Variants in GPA33 observed in about 807,000 individuals in gnomAD.
GPA33 encodes glycoprotein A33.
A neutral mutation model predicts 35.6 loss-of-function variants in GPA33; 27 were observed. The observed-to-expected ratio is 0.76, with a 90% confidence interval of 0.56 to 1.04. The LOEUF is 1.04. GPA33 is among the 50% of genes least tolerant of loss of function. GPA33 has a pLI of 0.00. For synonymous variants in GPA33, 176 were observed against 164.0 expected (o/e 1.07, Z -0.56); for missense variants, 428 against 411.9 (o/e 1.04, Z -0.34).
intron 3 of GPA33, among the ~76,000 whole-genome samples, chr1:167,064,832 A>C (rs570857245): frequency 3.1e-4 from 47 of 152,246 alleles, no homozygotes; most frequent in African/African-American, 1.1e-3. Context: ...AGTTGCCATA[A>C]GCACGGGATG....
At chr1:167,080,067 A>G (rs2102199420) in intron 1 of GPA33, among the ~76,000 whole-genome samples, 1 of 152,184 alleles carries the variant, frequency 6.6e-6, no homozygotes, top group East Asian at 1.9e-4. Context: ...TTGGCATTGA[A>G]TATCAGGTCT....
Position 167,054,172 on chromosome 1 carries a change from C to A in GPA33, c.*162G>T. 1 of 907,534 alleles carries A rather than the reference C, an allele frequency of 1.1e-6. No homozygotes were observed. Among genetic ancestry groups the A allele is most frequent in the South Asian group, 1.6e-5 (1 of 60,934 alleles). 56.2% of individuals were successfully genotyped at this position (907,534 alleles called of 1,614,324 possible). A position where few individuals can be genotyped will look rare whatever the true frequency, so the allele number is the denominator to read the frequency against. On this transcript the variant is annotated 3_prime_UTR_variant, in exon 7 of 7. Transcript: ENST00000367868. ...AGGATCAGCACAGGGACCCCCTTAC[C>A]AGGCCAGCCATGTTCCCCACAGCTG...
intron 1 of GPA33, among the ~76,000 whole-genome samples, chr1:167,083,164 G>A (rs906050918): frequency 6.6e-6 from 1 of 152,208 alleles, no homozygotes; most frequent in Non-Finnish European, 1.5e-5. Flanking sequence ...TGCAGGTGAT[G>A]TCTGAGAGGC....
chr1:167,066,449 C>T, intron 3 of GPA33, among the ~76,000 whole-genome samples: 1 of 152,192 alleles, frequency 6.6e-6, no homozygotes, highest in East Asian at 1.9e-4. Context: ...AAGAGATCAG[C>T]CTTAGGGCGG....
chr1:167,054,231 G>A lies in GPA33; in HGVS notation c.*103C>T, dbSNP rs1001003975. 9 of 1,410,894 alleles carry A rather than the reference G, an allele frequency of 6.4e-6. No individual in the cohort carries two copies. The highest frequency in any genetic ancestry group is 8.8e-6 in the Non-Finnish European group (9 of 1,022,164). 87.4% of individuals were successfully genotyped at this position (1,410,894 alleles called of 1,614,324 possible). On this transcript the variant is annotated 3_prime_UTR_variant, in exon 7 of 7. Transcript: ENST00000367868. ...GAAGAAATGTCCCCATCAATGTCTG[G>A]GATGGAGGGACAGGAGAACAGGGCT...
chr1:167,055,651 G>C, intron 5 of GPA33, 79 bp downstream of exon 5: 1 of 1,508,228 alleles, frequency 6.6e-7, no homozygotes, highest in Non-Finnish European at 9.2e-7. Flanking sequence ...CCTCCTCACG[G>C]TGGTCTCAGC....
intron 4 of GPA33, among the ~76,000 whole-genome samples, chr1:167,060,855 C>T (rs1666423584): frequency 6.6e-6 from 1 of 152,184 alleles, no homozygotes; most frequent in Non-Finnish European, 1.5e-5. Flanking sequence ...ACCATTCCTA[C>T]ACCTACACAC....
chr1:167,071,912 A>G (rs1264645633), intron 2 of GPA33, among the ~76,000 whole-genome samples: 1 of 152,198 alleles, frequency 6.6e-6, no homozygotes, highest in Non-Finnish European at 1.5e-5. Context: ...TCAATAAAAT[A>G]ACTTTAGTAT....
intron 5 of GPA33, among the ~76,000 whole-genome samples, chr1:167,055,421 C>T (rs1666219704): frequency 6.6e-6 from 1 of 151,986 alleles, no homozygotes. Context: ...CCAGACTCTG[C>T]GGCAGCTGCC....
intron 1 of GPA33, 35 bp downstream of exon 1, chr1:167,090,209 AC>A (rs768649846): frequency 1.1e-5 from 17 of 1,544,662 alleles, no homozygotes; most frequent in Non-Finnish European, 1.4e-5. Context: ...TGTCTCACCC[AC>A]CCCTGGGCAC....
intron 5 of GPA33, 35 bp from the exon 6 acceptor site, chr1:167,055,146 T>G: frequency 1.9e-6 from 3 of 1,607,240 alleles, no homozygotes; most frequent in Non-Finnish European, 2.5e-6. Flanking sequence ...CTTGCCGAGC[T>G]TCTAAGCTAG....
At chr1:167,056,946 C>T (rs796277114) in intron 4 of GPA33, among the ~76,000 whole-genome samples, 29 of 37,970 alleles carry the variant, frequency 7.6e-4, no homozygotes, top group South Asian at 3.4e-3. Flanking sequence ...GTGTGTGTGG[C>T]GTGTGTAGTA....
At chr1:167,081,070 TA>T (rs1666935197) in intron 1 of GPA33, among the ~76,000 whole-genome samples, 1 of 152,136 alleles carries the variant, frequency 6.6e-6, no homozygotes, top group African/African-American at 2.4e-5. Context: ...AGGGGGTCCA[TA>T]TGGAGAGCCA....
intron 1 of GPA33, among the ~76,000 whole-genome samples, chr1:167,081,337 C>A (rs1479777316): frequency 6.6e-6 from 1 of 152,148 alleles, no homozygotes; most frequent in East Asian, 1.9e-4. Flanking sequence ...AAGGACCCAG[C>A]CAGCCCCAGG....
At chr1:167,089,989 G>C (rs546757395) in intron 1 of GPA33, among the ~76,000 whole-genome samples, 2 of 152,164 alleles carry the variant, frequency 1.3e-5, no homozygotes, top group African/African-American at 4.8e-5. Context: ...TCTAATTTGG[G>C]ATAAGAAAAT....
At chr1:167,054,544 AC>A in intron 6 of GPA33, 78 bp from the exon 7 acceptor site, 2 of 1,580,758 alleles carry the variant, frequency 1.3e-6, no homozygotes, top group Non-Finnish European at 1.7e-6. Context: ...CATGTGCATT[AC>A]AGGAAGAGCA....
intron 4 of GPA33, among the ~76,000 whole-genome samples, chr1:167,060,820 G>A (rs1666423027): frequency 6.6e-6 from 1 of 152,108 alleles, no homozygotes; most frequent in Admixed American, 6.5e-5. Flanking sequence ...TCTCATCACT[G>A]TGTTTCTTAA....
At chr1:167,059,133 T>C (rs910780865) in intron 4 of GPA33, among the ~76,000 whole-genome samples, 4 of 152,176 alleles carry the variant, frequency 2.6e-5, no homozygotes, top group African/African-American at 9.7e-5. Flanking sequence ...CCTAGTCCAA[T>C]GAGTCAGCGC....
At chr1:167,056,658 G>A (rs1666275358) in intron 4 of GPA33, among the ~76,000 whole-genome samples, 2 of 560 alleles carry the variant, frequency 3.6e-3, no homozygotes, top group South Asian at 0.12. Context: ...AGTGTGTGTG[G>A]TACGGTGAGT....
Sources: gnomAD v4.1 joint callset for allele counts (sites outside exome capture counted in the v4.1 genomes callset) on GRCh38, gnomAD v4.1.1 for gene constraint, MANE v1.5 for transcripts, NCBI Gene and HGNC (gene_info 2026-07-23, HGNC 2026-07-21) for gene names.